Variants in ODF2 observed in about 807,000 individuals in gnomAD.
The protein encoded by ODF2 is outer dense fiber protein 2.
In ODF2, 47 loss-of-function variants were observed where a neutral mutation model predicts 110.2. The ratio of observed to expected loss-of-function variants is 0.43; its 90% CI spans 0.34 to 0.54. ODF2 has a LOEUF of 0.54. ODF2 is among the 20% of genes least tolerant of loss of function. ODF2 has a pLI of 0.03. For missense variants in ODF2, 812 were observed against 1,054.5 expected, an observed-to-expected ratio of 0.77 and a Z score of 3.19; for synonymous variants, 352 against 397.7, an observed-to-expected ratio of 0.89 and a Z score of 1.37.
chr9:128,456,044 C>A, upstream of ODF2: 2 of 1,482,226 alleles, frequency 1.3e-6, no homozygotes, highest in Non-Finnish European at 1.8e-6. Context: ...AGGGGCTGGG[C>A]CTCGATGGCG....
At chr9:128,472,423 T>C (rs1454831180) in intron 6 of ODF2, among the ~76,000 whole-genome samples, 1 of 152,174 alleles carries the variant, frequency 6.6e-6, no homozygotes, top group Non-Finnish European at 1.5e-5. Context: ...GCCAGGCTGC[T>C]CTCGATAACA....
chr9:128,488,180 C>T (rs1843779440), intron 14 of ODF2, among the ~76,000 whole-genome samples, 155 bp downstream of exon 14: 1 of 152,214 alleles, frequency 6.6e-6, no homozygotes, highest in Admixed American at 6.5e-5. Flanking sequence ...GTAATCCCAA[C>T]ACTTTGGGAG....
chr9:128,473,195 T>C (rs1278010112), intron 7 of ODF2, 153 bp downstream of exon 7: 1 of 1,459,870 alleles, frequency 6.8e-7, no homozygotes, highest in African/African-American at 1.4e-5. Context: ...CCCACCACTC[T>C]CACTTCCCAA....
intron 6 of ODF2, among the ~76,000 whole-genome samples, 166 bp from the exon 7 acceptor site, chr9:128,472,747 C>G (rs563080764): frequency 6.6e-6 from 1 of 152,352 alleles, no homozygotes; most frequent in South Asian, 2.1e-4. Context: ...TAACTTCTGG[C>G]CCTGGTCCTT....
At chr9:128,477,500 G>A (rs147175640) in intron 8 of ODF2, among the ~76,000 whole-genome samples, 18 of 152,188 alleles carry the variant, frequency 1.2e-4, no homozygotes, top group African/African-American at 4.1e-4. Flanking sequence ...AGTGAGCTGA[G>A]ATTGTGTCAC....
At chr9:128,479,413 G>A (rs1174479241) in intron 8 of ODF2, among the ~76,000 whole-genome samples, 1 of 152,178 alleles carries the variant, frequency 6.6e-6, no homozygotes, top group African/African-American at 2.4e-5. Flanking sequence ...AATCCTCACT[G>A]GTAATTAGAG....
chr9:128,472,395 A>G (rs549852489), intron 6 of ODF2, among the ~76,000 whole-genome samples: 2 of 151,936 alleles, frequency 1.3e-5, no homozygotes, highest in Non-Finnish European at 2.9e-5. Flanking sequence ...TTTAGTAGAG[A>G]TGGGGTTTTA....
intron 1 of ODF2, chr9:128,456,801 C>T: frequency 7.7e-7 from 1 of 1,301,094 alleles, no homozygotes; most frequent in Non-Finnish European, 9.9e-7. Context: ...GGCGTCTATC[C>T]TGCTCAGAAC....
At chr9:128,456,144 C>T (rs1272486553), upstream of ODF2, 15 of 1,548,418 alleles carry the variant, frequency 9.7e-6, no homozygotes, top group African/African-American at 1.4e-5. Flanking sequence ...CGGGGAGGAG[C>T]CGCTGCCAGA....
intron 11 of ODF2, 69 bp downstream of exon 11, chr9:128,484,123 C>A: frequency 1.8e-6 from 2 of 1,124,702 alleles, no homozygotes; most frequent in Non-Finnish European, 2.7e-6. Context: ...AGCGGCCTGG[C>A]CCAGATATCA....
At position 128,473,747 on chromosome 9, in the gene ODF2, C is replaced by G; in HGVS notation, c.843+6C>G. 1 of 1,612,632 alleles carries G rather than the reference C, an allele frequency of 6.2e-7. No homozygotes were observed. The highest frequency in any genetic ancestry group is 8.5e-7 in the Non-Finnish European group (1 of 1,179,334). ...GGGAACAGCACTGCAAAGAGGTGAG[C>G]TTGGGGCCTGGCTCTTTCCCTCCAG... is the stretch of plus-strand genomic sequence containing the variant. On this transcript the variant is annotated splice_donor_region_variant and intron_variant, in intron 8 of 20. Coordinates refer to ENST00000604420, the Ensembl canonical transcript of ODF2.
chr9:128,473,264 G>C, intron 7 of ODF2: 1 of 984,744 alleles, frequency 1.0e-6, no homozygotes, highest in Non-Finnish European at 1.2e-6. Context: ...CCTCATCATG[G>C]GTCTCCTGGG....
At chr9:128,483,905 T>C (rs1400814854) in intron 10 of ODF2, 33 bp from the exon 11 acceptor site, 1 of 1,456,290 alleles carries the variant, frequency 6.9e-7, no homozygotes, top group East Asian at 2.3e-5. Flanking sequence ...AACAAAAAAT[T>C]GTGCCTCCAT....
chr9:128,475,434 A>G (rs568648065), intron 8 of ODF2, among the ~76,000 whole-genome samples: 7 of 152,340 alleles, frequency 4.6e-5, no homozygotes, highest in African/African-American at 1.7e-4. Flanking sequence ...GTTAATCAAC[A>G]TATGCATTGC....
Position 128,485,059 on chromosome 9 carries a change from T to TA in ODF2, c.1290+177dup, listed in dbSNP as rs1843112035. ...GAGGGAGTTAAGGGGATCAAATGGG[T>TA]AAAAGCTGGAGGGATGGGTGGCTGG... is the stretch of plus-strand genomic sequence containing the variant. On this transcript the variant is annotated intron_variant, in intron 12 of 20. Coordinates refer to ENST00000604420, the Ensembl canonical transcript of ODF2. This position sits in a 1 kb window ranked among gnomAD's most constrained non-coding sequence, Gnocchi z 5.0. 1 of 712,066 alleles carries TA rather than the reference T, an allele frequency of 1.4e-6. No individual in the cohort carries two copies. Among genetic ancestry groups the TA allele is most frequent in the African/African-American group, 1.8e-5 (1 of 56,718 alleles). The allele number at this position is 712,066 out of a possible 1,614,324, so 44.1% of individuals were successfully genotyped here. A position where few individuals can be genotyped will look rare whatever the true frequency, so the allele number is the denominator to read the frequency against.
Position 128,499,128 on chromosome 9 carries a change from T to G in ODF2, c.2301+2T>G. ...CAGCTGCGGCGGAGCCGTGATGATG[T>G]GAGTCAGGCTGGTGGGCCGGGCTAG... On this transcript the variant is annotated splice_donor_variant, in intron 20 of 20. Coordinates refer to ENST00000604420, the Ensembl canonical transcript of ODF2. LOFTEE classifies it high-confidence loss of function. 6.2e-7 allele frequency: 1 copy of G among 1,614,144 alleles called. No homozygotes were observed. Among genetic ancestry groups the G allele is most frequent in the Non-Finnish European group, 8.5e-7 (1 of 1,179,984 alleles).
intron 11 of ODF2, 26 bp downstream of exon 11, chr9:128,484,080 A>C: frequency 6.5e-7 from 1 of 1,532,194 alleles, no homozygotes; most frequent in Non-Finnish European, 9.0e-7. Context: ...ACAAGTGGGG[A>C]AAGAGGAGGC....
chr9:128,471,059 A>G (rs748818330), intron 5 of ODF2, among the ~76,000 whole-genome samples: 6 of 152,010 alleles, frequency 3.9e-5, no homozygotes, highest in Admixed American at 3.3e-4. Context: ...GATCACAGGC[A>G]TGTGCCACCA....
At chr9:128,455,241 A>G, upstream of ODF2, 2 of 1,535,260 alleles carry the variant, frequency 1.3e-6, no homozygotes, top group Non-Finnish European at 1.7e-6. Flanking sequence ...CTGTACACAG[A>G]GCGGCATAGA....
Sources: allele counts gnomAD v4.1 joint callset (sites outside exome capture counted in the v4.1 genomes callset), GRCh38; gene constraint gnomAD v4.1.1; non-coding constraint Gnocchi (gnomAD v3.1); transcripts MANE v1.5; gene names NCBI Gene and HGNC (gene_info 2026-07-23, HGNC 2026-07-21).